The following UNC13C variants were observed in gnomAD, a reference collection of about 807,000 sequenced individuals.
UNC13C encodes protein unc-13 homolog C.
Under a neutral mutation model 245.4 loss-of-function variants are expected in UNC13C, and 174 were observed. The observed-to-expected ratio is 0.71, with a 90% confidence interval of 0.63 to 0.80. The LOEUF (loss-of-function observed/expected upper bound fraction) is 0.80. Ranked by LOEUF, UNC13C falls within the 30% of genes least tolerant of loss-of-function variation. The pLI, the probability that UNC13C is intolerant of heterozygous loss-of-function variation, is 0.00. For synonymous variants in UNC13C, 992 were observed against 895.1 expected (o/e 1.11, Z -1.93); for missense variants, 2,829 against 2,602.9 (o/e 1.09, Z -1.89).
At chr15:53,957,527 A>G in the UNC13C span, among the ~76,000 whole-genome samples, 14 of 152,194 alleles carry the variant, frequency 9.2e-5, no homozygotes, top group Admixed American at 9.2e-4. Flanking sequence ...TTTTTAAAAA[A>G]TCTCACAACA....
intron 7 of UNC13C, among the ~76,000 whole-genome samples, chr15:54,245,645 T>C (rs1459826735): frequency 3.3e-5 from 5 of 152,164 alleles, no homozygotes; most frequent in African/African-American, 9.7e-5. Flanking sequence ...TTCATGTTTA[T>C]AACAAATTTC....
intron 2 of UNC13C, among the ~76,000 whole-genome samples, chr15:54,136,020 T>A (rs1190131741): frequency 6.6e-6 from 1 of 152,198 alleles, no homozygotes; most frequent in Non-Finnish European, 1.5e-5. Flanking sequence ...CTTCAATTAT[T>A]TCATCGATGT....
the UNC13C span, among the ~76,000 whole-genome samples, chr15:53,916,806 A>T: frequency 6.6e-6 from 1 of 152,216 alleles, no homozygotes; most frequent in Non-Finnish European, 1.5e-5. Context: ...CAGGAAGCTT[A>T]TAAAGAAACT....
intron 2 of UNC13C, among the ~76,000 whole-genome samples, chr15:54,047,062 G>A (rs779821507): frequency 1.1e-4 from 17 of 151,768 alleles, no homozygotes; most frequent in East Asian, 3.9e-4. Flanking sequence ...TTTTCTAAGC[G>A]GTATTTATTT....
At chr15:54,497,263 T>C (rs890680278) in intron 20 of UNC13C, among the ~76,000 whole-genome samples, 5 of 151,932 alleles carry the variant, frequency 3.3e-5, no homozygotes, top group Admixed American at 3.3e-4. Flanking sequence ...AAAAGAAAAA[T>C]GCACTAAGGT....
intron 19 of UNC13C, among the ~76,000 whole-genome samples, chr15:54,446,434 T>C (rs1287910460): frequency 6.6e-6 from 1 of 152,236 alleles, no homozygotes; most frequent in African/African-American, 2.4e-5. Flanking sequence ...GAGCATGGAA[T>C]GTTCTTCCAT....
the UNC13C span, among the ~76,000 whole-genome samples, chr15:53,865,104 G>T: frequency 6.6e-6 from 1 of 152,154 alleles, no homozygotes; most frequent in African/African-American, 2.4e-5. Context: ...TAAATTGATT[G>T]AATTTGTACT....
At chr15:54,338,561 A>C in intron 17 of UNC13C, 72 bp downstream of exon 17, 1 of 1,492,488 alleles carries the variant, frequency 6.7e-7, no homozygotes, top group Non-Finnish European at 9.1e-7. Context: ...GTTTAGCATA[A>C]TAGTAAATAG....
chr15:54,486,311 C>T (rs1292474418), intron 19 of UNC13C, among the ~76,000 whole-genome samples: 6 of 146,980 alleles, frequency 4.1e-5, no homozygotes, highest in Non-Finnish European at 9.1e-5. Context: ...GTGGCGGGCG[C>T]TTGTAATCCT....
At chr15:53,863,188 C>T in the UNC13C span, among the ~76,000 whole-genome samples, 2 of 152,138 alleles carry the variant, frequency 1.3e-5, no homozygotes, top group Non-Finnish European at 1.5e-5. Context: ...TGACAGGTCC[C>T]AAGCAAGACC....
intron 20 of UNC13C, among the ~76,000 whole-genome samples, chr15:54,495,409 A>G (rs1893904537): frequency 6.6e-6 from 1 of 152,032 alleles, no homozygotes; most frequent in Non-Finnish European, 1.5e-5. Context: ...GTGCTAATTT[A>G]AGGAGCATAA....
intron 19 of UNC13C, among the ~76,000 whole-genome samples, chr15:54,459,645 T>C (rs1283511150): frequency 1.3e-5 from 2 of 152,160 alleles, no homozygotes; most frequent in Non-Finnish European, 2.9e-5. Context: ...GCCTTGTCTT[T>C]GAGTTCTGAA....
At chr15:54,294,437 G>T (rs2037379670) in intron 11 of UNC13C, among the ~76,000 whole-genome samples, 1 of 151,928 alleles carries the variant, frequency 6.6e-6, no homozygotes, top group African/African-American at 2.4e-5. Flanking sequence ...GTCCATTAAT[G>T]AAATTTTGGC....
At chr15:54,191,627 A>G (rs567748071) in intron 4 of UNC13C, among the ~76,000 whole-genome samples, 88 of 152,222 alleles carry the variant, frequency 5.8e-4, no homozygotes, top group African/African-American at 2.0e-3. Flanking sequence ...GAATCGCCAT[A>G]CTGTCTTCCA....
Position 54,101,874 on chromosome 15 carries a change from G to A in UNC13C, c.2984-41144G>A, listed in dbSNP as rs576494976. ...GCTGGGATCACAGGTGTGAGCCACC[G>A]TGCCCGGCCATCCTCCCCATTCTTA... On this transcript the variant is annotated intron_variant, in intron 2 of 32. Coordinates refer to ENST00000260323, the MANE Select transcript of UNC13C (RefSeq NM_001080534.3). 3.3e-5 allele frequency among the ~76,000 whole-genome samples: 5 copies of A among 151,842 alleles called. No homozygotes were observed. In the South Asian group the frequency reaches 1.0e-3, roughly 32 times the overall value.
Position 54,627,102 on chromosome 15 carries a change from GA to G in UNC13C, c.6635del (p.Glu2212GlyfsTer10), listed in dbSNP as rs1901221881. ...RLKSETRSTE[E>X]SA is the part of the protein sequence containing the mutation. ...TAAATCTGAAACAAGATCTACTGAA[GA>G]GAGTGCTTGAAACAAACACTGCAAG... On this transcript the variant is annotated frameshift_variant, in exon 33 of 33. Coordinates refer to ENST00000260323, the MANE Select transcript of UNC13C (RefSeq NM_001080534.3). LOFTEE classifies it high-confidence loss of function. 6.2e-7 allele frequency: 1 copy of G among 1,609,118 alleles called. No homozygotes were observed. The highest frequency in any genetic ancestry group is 8.5e-7 in the Non-Finnish European group (1 of 1,177,150).
the UNC13C span, among the ~76,000 whole-genome samples, chr15:53,969,186 T>C: frequency 6.6e-6 from 1 of 151,972 alleles, no homozygotes; most frequent in African/African-American, 2.4e-5. Context: ...AAGAAGAGAA[T>C]CAGGGCAAGA....
intron 30 of UNC13C, among the ~76,000 whole-genome samples, chr15:54,574,826 T>C (rs997702227): frequency 1.3e-5 from 2 of 152,204 alleles, no homozygotes; most frequent in Admixed American, 6.5e-5. Flanking sequence ...TAGATCATTT[T>C]GATCATTTTA....
chr15:54,021,669 G>A (rs1895909144), intron 2 of UNC13C, among the ~76,000 whole-genome samples: 1 of 152,132 alleles, frequency 6.6e-6, no homozygotes, highest in Non-Finnish European at 1.5e-5. Context: ...CTATCTCTTT[G>A]AAATATCAGT....
Sources: allele counts gnomAD v4.1 joint callset (sites outside exome capture counted in the v4.1 genomes callset), GRCh38; gene constraint gnomAD v4.1.1; transcripts MANE v1.5; gene names NCBI Gene and HGNC (gene_info 2026-07-23, HGNC 2026-07-21).